Variants in STK32A observed in about 807,000 individuals in gnomAD.
STK32A encodes the protein serine/threonine kinase 32A, also known as serine/threonine-protein kinase 32A.
A neutral mutation model predicts 53.2 loss-of-function variants in STK32A; 41 were observed. The observed-to-expected ratio is 0.77, with a 90% CI of 0.60 to 1.00. STK32A has a LOEUF of 1.00. Ranked by LOEUF, STK32A falls within the 50% of genes least tolerant of loss-of-function variation. The pLI, the probability that STK32A is intolerant of heterozygous loss-of-function variation, is 0.00. For missense variants in STK32A, 458 were observed against 485.8 expected (o/e 0.94, Z 0.54); for synonymous variants, 166 against 162.8 (o/e 1.02, Z -0.15).
At chr5:147,250,528 C>A (rs4705140) in intron 2 of STK32A, among the ~76,000 whole-genome samples, 36,967 of 151,992 alleles carry the variant, frequency 0.24, 4,535 homozygotes, top group Admixed American at 0.3. Flanking sequence ...GTGACTAAGT[C>A]GGTGAGAAAA....
At chr5:147,302,254 C>T (rs1470199301) in intron 4 of STK32A, among the ~76,000 whole-genome samples, 1 of 152,066 alleles carries the variant, frequency 6.6e-6, no homozygotes, top group South Asian at 2.1e-4. Context: ...TTTCAAGCAA[C>T]GTTTTATTGT....
rs376448803 is a variant in STK32A, at chr5:147,340,963, T to G, written c.435-2043T>G. Among the ~76,000 whole-genome samples, 3 of 152,340 alleles carry G rather than the reference T, an allele frequency of 2.0e-5. No individual in the cohort carries two copies. The East Asian group carries it at 5.8e-4, about 29-fold the overall frequency. On this transcript the variant is annotated intron_variant, in intron 5 of 12. Coordinates refer to ENST00000397936, the MANE Select transcript of STK32A (RefSeq NM_001112724.2). ...AACTAATTGTTCCCTCTCTGATCTCTGTAATATTAAGTTTCAAAGTAGTTT... is the reference window on the plus strand; with the variant it reads ...AACTAATTGTTCCCTCTCTGATCTCGGTAATATTAAGTTTCAAAGTAGTTT...
At chr5:147,316,104 TG>T (rs1738172755) in intron 4 of STK32A, among the ~76,000 whole-genome samples, 1 of 152,158 alleles carries the variant, frequency 6.6e-6, no homozygotes, top group Non-Finnish European at 1.5e-5. Flanking sequence ...ATGGCATTGT[TG>T]GGGGTAATGT....
chr5:147,337,478 G>C (rs1178585282), intron 5 of STK32A, among the ~76,000 whole-genome samples: 1 of 152,106 alleles, frequency 6.6e-6, no homozygotes, highest in Admixed American at 6.5e-5. Flanking sequence ...GTGGGGATTG[G>C]TTGTTTTGCT....
chr5:147,314,749 T>TTTTC (rs1753908005), intron 4 of STK32A, among the ~76,000 whole-genome samples: 1 of 150,426 alleles, frequency 6.6e-6, no homozygotes, highest in South Asian at 2.1e-4. Context: ...TCTTTTTTTT[T>TTTTC]TTTTTTGAGA....
At chr5:147,344,506 C>T (rs1214672020) in intron 6 of STK32A, among the ~76,000 whole-genome samples, 1 of 152,190 alleles carries the variant, frequency 6.6e-6, no homozygotes, top group East Asian at 1.9e-4. Context: ...GGTACAGTGG[C>T]AGGCACCTGT....
At chr5:147,261,852 G>A (rs1040421224) in intron 2 of STK32A, among the ~76,000 whole-genome samples, 1 of 151,828 alleles carries the variant, frequency 6.6e-6, no homozygotes, top group Non-Finnish European at 1.5e-5. Context: ...TTTGGAAAAG[G>A]CATGTATTCA....
At chr5:147,272,901 T>C (rs1249098934) in intron 2 of STK32A, among the ~76,000 whole-genome samples, 1 of 152,196 alleles carries the variant, frequency 6.6e-6, no homozygotes, top group Non-Finnish European at 1.5e-5. Flanking sequence ...GCCTGTTCAG[T>C]AGAAAGGTTT....
intron 4 of STK32A, among the ~76,000 whole-genome samples, chr5:147,322,528 C>T (rs1323352421): frequency 2.0e-5 from 3 of 152,284 alleles, no homozygotes; most frequent in South Asian, 2.1e-4. Context: ...TGATATTTTA[C>T]ATTTATTTCC....
rs1448297096 is a variant in STK32A, at chr5:147,384,891, TTGTC to T, written c.*910_*913del. 1 of 154,662 alleles carries T rather than the reference TTGTC, an allele frequency of 6.5e-6. No homozygotes were observed. Among genetic ancestry groups the T allele is most frequent in the African/African-American group, 2.4e-5 (1 of 41,542 alleles). 9.6% of individuals were successfully genotyped at this position (154,662 alleles called of 1,614,324 possible). ...AAAGTTGCATCTTATATGGGGTTTA[TTGTC>T]TAAGTTAGAAATGAATTTAGAAGAT... On this transcript the variant is annotated 3_prime_UTR_variant, in exon 13 of 13. Transcript: ENST00000397936.
intron 11 of STK32A, among the ~76,000 whole-genome samples, chr5:147,380,128 T>G (rs1161773929): frequency 6.6e-6 from 1 of 152,110 alleles, no homozygotes; most frequent in Non-Finnish European, 1.5e-5. Context: ...GGAAAAAAAA[T>G]CCATGTGGAT....
intron 2 of STK32A, among the ~76,000 whole-genome samples, chr5:147,249,882 C>T (rs1262759976): frequency 1.7e-5 from 2 of 118,002 alleles, no homozygotes; most frequent in Non-Finnish European, 3.2e-5. Context: ...GCACTCCAGC[C>T]TGGGCAACAG....
intron 2 of STK32A, among the ~76,000 whole-genome samples, chr5:147,256,087 A>G (rs1260665521): frequency 6.6e-6 from 1 of 152,244 alleles, no homozygotes; most frequent in East Asian, 1.9e-4. Flanking sequence ...AAGGTCCACC[A>G]CAATACCACC....
chr5:147,322,938 G>C (rs574208513), intron 4 of STK32A, among the ~76,000 whole-genome samples: 4 of 152,094 alleles, frequency 2.6e-5, no homozygotes, highest in Admixed American at 2.0e-4. Flanking sequence ...GGATTCTGCC[G>C]CCTTCTCCAG....
At chr5:147,289,527 T>G (rs1752499662) in intron 4 of STK32A, among the ~76,000 whole-genome samples, 1 of 152,034 alleles carries the variant, frequency 6.6e-6, no homozygotes. Context: ...AAAAAGTTTG[T>G]GTGTGTGAAT....
chr5:147,250,528 C>G (rs4705140), intron 2 of STK32A, among the ~76,000 whole-genome samples: 3 of 151,924 alleles, frequency 2.0e-5, no homozygotes, highest in African/African-American at 7.3e-5. Context: ...GTGACTAAGT[C>G]GGTGAGAAAA....
At chr5:147,243,022 G>A (rs926294508) in intron 2 of STK32A, among the ~76,000 whole-genome samples, 1 of 151,888 alleles carries the variant, frequency 6.6e-6, no homozygotes, top group Non-Finnish European at 1.5e-5. Context: ...ATCAAACTGG[G>A]CCAGTATCAA....
intron 2 of STK32A, among the ~76,000 whole-genome samples, chr5:147,251,314 T>C (rs1753986173): frequency 6.6e-6 from 1 of 152,230 alleles, no homozygotes; most frequent in African/African-American, 2.4e-5. Flanking sequence ...GAGTTCAATT[T>C]GGAAGCAAAT....
chr5:147,356,744 T>C (rs1265206444), intron 7 of STK32A, among the ~76,000 whole-genome samples: 2 of 152,142 alleles, frequency 1.3e-5, no homozygotes, highest in Admixed American at 1.3e-4. Context: ...CATTGAAGTA[T>C]TTTGGATTGA....
Sources: allele counts gnomAD v4.1 joint callset (sites outside exome capture counted in the v4.1 genomes callset), GRCh38; gene constraint gnomAD v4.1.1; transcripts MANE v1.5; gene names NCBI Gene and HGNC (gene_info 2026-07-23, HGNC 2026-07-21).